Variants in RPS6KC1 observed in about 807,000 individuals in gnomAD.
The protein encoded by RPS6KC1 is ribosomal protein S6 kinase C1.
A neutral mutation model predicts 103.8 loss-of-function variants in RPS6KC1; 54 were observed. The ratio of observed to expected loss-of-function variants is 0.52; its 90% CI spans 0.42 to 0.65. The LOEUF (loss-of-function observed/expected upper bound fraction) is 0.65, where lower values mean the gene tolerates loss of function less well. Among genes scored for constraint, RPS6KC1 ranks in the 30% least tolerant of loss-of-function variants. The probability of loss-of-function intolerance (pLI) is 0.00; values close to 1 mark genes in which losing one functional copy is unlikely to be tolerated. For synonymous variants in RPS6KC1, 439 were observed against 438.7 expected, an observed-to-expected ratio of 1.00 and a Z score of -0.01; for missense variants, 1,151 against 1,253.8, an observed-to-expected ratio of 0.92 and a Z score of 1.24.
the RPS6KC1 span, among the ~76,000 whole-genome samples, chr1:213,615,286 C>A: frequency 2.9e-3 from 442 of 152,330 alleles, 1 homozygote; most frequent in African/African-American, 0.01. Flanking sequence ...ACAGCCCAGG[C>A]AGGCTGCTTC....
chr1:213,697,750 A>G, the RPS6KC1 span, among the ~76,000 whole-genome samples: 10 of 152,338 alleles, frequency 6.6e-5, no homozygotes, highest in African/African-American at 2.4e-4. Flanking sequence ...GATGGGGCCA[A>G]GAGAATCTGG....
chr1:213,491,767 G>A, the RPS6KC1 span, among the ~76,000 whole-genome samples: 1 of 152,132 alleles, frequency 6.6e-6, no homozygotes, highest in Non-Finnish European at 1.5e-5. Flanking sequence ...AAATTTAAGA[G>A]TGGCCAACCC....
chr1:213,650,857 T>C, the RPS6KC1 span, among the ~76,000 whole-genome samples: 1 of 150,820 alleles, frequency 6.6e-6, no homozygotes, highest in South Asian at 2.1e-4. Context: ...ACAGATAGGT[T>C]ATCAGCCTAG....
Position 213,051,316 on chromosome 1 carries a change from C to T in RPS6KC1, c.-89C>T. 1.0e-6 allele frequency: 1 copy of T among 980,722 alleles called. No homozygotes were observed. Among genetic ancestry groups the T allele is most frequent in the Admixed American group, 2.0e-5 (1 of 49,466 alleles). The allele number at this position is 980,722 out of a possible 1,614,324, so 60.8% of individuals were successfully genotyped here. On this transcript the variant is annotated 5_prime_UTR_variant, in exon 1 of 15. Transcript: ENST00000366960. ...GAGCCACCGCCCCCTCGCCGCTTCGCCGCTGCGTTGGGGAACCTGGACCGC... is the reference window on the plus strand; with the variant it reads ...GAGCCACCGCCCCCTCGCCGCTTCGTCGCTGCGTTGGGGAACCTGGACCGC...
At chr1:213,156,512 A>G (rs1448049894) in intron 6 of RPS6KC1, among the ~76,000 whole-genome samples, 1 of 152,244 alleles carries the variant, frequency 6.6e-6, no homozygotes, top group African/African-American at 2.4e-5. Flanking sequence ...GCAAAGAAAC[A>G]TGAATACTAC....
the RPS6KC1 span, among the ~76,000 whole-genome samples, chr1:213,399,014 A>G: frequency 6.6e-6 from 1 of 152,208 alleles, no homozygotes; most frequent in African/African-American, 2.4e-5. Context: ...CCTGTCCTCA[A>G]GGAGATTCTA....
chr1:213,571,696 C>T, the RPS6KC1 span, among the ~76,000 whole-genome samples: 4 of 152,276 alleles, frequency 2.6e-5, no homozygotes, highest in African/African-American at 9.6e-5. Context: ...TGCATCTGGG[C>T]GTCACACCAC....
rs12127112 is a variant in RPS6KC1 at position 213,259,433 on chromosome 1, C to T, written c.2912-2125C>T. On this transcript the variant is annotated intron_variant, in intron 12 of 14. Coordinates refer to ENST00000366960, the MANE Select transcript of RPS6KC1 (RefSeq NM_012424.6). ...AAAAAATTAACTGGGTGTGGTGGCA[C>T]GCACCTGTAGTCCCAGCTACTTGGG... 6.6e-3 allele frequency among the ~76,000 whole-genome samples: 1,005 copies of T among 152,170 alleles called. 14 individuals carry two copies. Among genetic ancestry groups the T allele is most frequent in the African/African-American group, 0.023 (938 of 41,530 alleles).
At chr1:213,601,156 A>T in the RPS6KC1 span, among the ~76,000 whole-genome samples, 2 of 152,126 alleles carry the variant, frequency 1.3e-5, no homozygotes, top group African/African-American at 4.8e-5. Context: ...CAAAACAAAG[A>T]TCTGATTCAA....
the RPS6KC1 span, among the ~76,000 whole-genome samples, chr1:213,793,513 T>C: frequency 6.6e-6 from 1 of 151,538 alleles, no homozygotes; most frequent in Admixed American, 6.6e-5. Context: ...AGGGCGTGAG[T>C]TTTCCTTACA....
chr1:213,299,908 C>T, the RPS6KC1 span, among the ~76,000 whole-genome samples: 3 of 152,078 alleles, frequency 2.0e-5, no homozygotes, highest in Non-Finnish European at 4.4e-5. Context: ...GTGTTCACAC[C>T]ATTCTCCTGC....
chr1:213,593,261 GT>G, the RPS6KC1 span, among the ~76,000 whole-genome samples: 1 of 151,818 alleles, frequency 6.6e-6, no homozygotes, highest in African/African-American at 2.4e-5. Context: ...ACAACAGTAG[GT>G]TTTTAGGATT....
the RPS6KC1 span, among the ~76,000 whole-genome samples, chr1:213,732,523 T>C: frequency 6.6e-6 from 1 of 152,210 alleles, no homozygotes. Flanking sequence ...GCCCAGTGCC[T>C]GACACATAGT....
At chr1:213,634,979 G>T in the RPS6KC1 span, among the ~76,000 whole-genome samples, 4 of 152,182 alleles carry the variant, frequency 2.6e-5, no homozygotes, top group South Asian at 2.1e-4. Context: ...TACCATCAGA[G>T]AATACTATAA....
At chr1:213,775,608 A>C in the RPS6KC1 span, among the ~76,000 whole-genome samples, 1 of 152,224 alleles carries the variant, frequency 6.6e-6, no homozygotes, top group Non-Finnish European at 1.5e-5. Flanking sequence ...CCTTCAGCAC[A>C]TCATAATCTT....
chr1:213,299,496 G>T, the RPS6KC1 span, among the ~76,000 whole-genome samples: 1 of 142,056 alleles, frequency 7.0e-6, no homozygotes, highest in Non-Finnish European at 1.5e-5. Context: ...AGGTTGCAGT[G>T]AGCCAAGATG....
chr1:213,295,655 A>T, the RPS6KC1 span, among the ~76,000 whole-genome samples: 1 of 152,206 alleles, frequency 6.6e-6, no homozygotes, highest in Non-Finnish European at 1.5e-5. Flanking sequence ...TAACTAGATC[A>T]TGCAAATCTG....
the RPS6KC1 span, among the ~76,000 whole-genome samples, chr1:213,689,094 C>T: frequency 2.0e-5 from 3 of 152,130 alleles, no homozygotes; most frequent in Non-Finnish European, 2.9e-5. Flanking sequence ...GATTCCTTTT[C>T]GAACATTCTC....
the RPS6KC1 span, among the ~76,000 whole-genome samples, chr1:213,600,596 G>A: frequency 1.3e-5 from 2 of 152,098 alleles, no homozygotes; most frequent in Non-Finnish European, 2.9e-5. Context: ...TGACAAGATA[G>A]GTGTCTGTTT....
Sources: gnomAD v4.1 joint callset for allele counts (sites outside exome capture counted in the v4.1 genomes callset) on GRCh38, gnomAD v4.1.1 for gene constraint, MANE v1.5 for transcripts, NCBI Gene and HGNC (gene_info 2026-07-23, HGNC 2026-07-21) for gene names.